PDIA3: variants seen among roughly 807,000 people sequenced by gnomAD.
PDIA3 encodes protein disulfide-isomerase A3.
In PDIA3, 16 loss-of-function variants were observed where a neutral mutation model predicts 56.9. The observed-to-expected ratio is 0.28, with a 90% CI of 0.19 to 0.43. The LOEUF (loss-of-function observed/expected upper bound fraction) is 0.43, where lower values mean the gene tolerates loss of function less well. Ranked by LOEUF, PDIA3 falls within the 20% of genes least tolerant of loss-of-function variation. PDIA3 has a pLI of 1.00. For missense variants in PDIA3, 485 were observed against 621.3 expected, an observed-to-expected ratio of 0.78 and a Z score of 2.33; for synonymous variants, 192 against 216.5, an observed-to-expected ratio of 0.89 and a Z score of 0.99.
intron 5 of PDIA3, among the ~76,000 whole-genome samples, chr15:43,763,734 A>C (rs941744745): frequency 6.6e-6 from 1 of 151,766 alleles, no homozygotes; most frequent in Non-Finnish European, 1.5e-5. Flanking sequence ...CTATATATGG[A>C]GTGGTTGGAA....
intron 8 of PDIA3, among the ~76,000 whole-genome samples, chr15:43,767,364 TAAATA>T (rs2086854199): frequency 6.6e-6 from 1 of 151,462 alleles, no homozygotes; most frequent in African/African-American, 2.4e-5. Context: ...AAAAAAGAAA[TAAATA>T]AAGAAAAATA....
intron 1 of PDIA3, chr15:43,752,694 A>G (rs531907925): frequency 2.7e-5 from 12 of 452,058 alleles, no homozygotes; most frequent in South Asian, 7.9e-5. Flanking sequence ...TAGGTGTACA[A>G]TATTTCCAAG....
At chr15:43,763,237 G>C in intron 5 of PDIA3, 31 bp downstream of exon 5, 1 of 1,607,276 alleles carries the variant, frequency 6.2e-7, no homozygotes. Context: ...TCCTGACCAA[G>C]TATTATTGTG....
chr15:43,750,244 G>C (rs1310264532), intron 1 of PDIA3, among the ~76,000 whole-genome samples: 1 of 143,168 alleles, frequency 7.0e-6, no homozygotes, highest in Non-Finnish European at 1.5e-5. Context: ...TTGAACTCCT[G>C]ACTTCACCTG....
chr15:43,768,157 CAA>C (rs1342619117), intron 8 of PDIA3, among the ~76,000 whole-genome samples: 3 of 152,142 alleles, frequency 2.0e-5, no homozygotes, highest in Admixed American at 1.3e-4. Context: ...GAGATTGAGA[CAA>C]GAGAAAATCT....
At chr15:43,766,326 G>C (rs1007611278) in intron 7 of PDIA3, among the ~76,000 whole-genome samples, 5 of 152,062 alleles carry the variant, frequency 3.3e-5, no homozygotes, top group Admixed American at 6.6e-5. Context: ...TCTTTGCTTT[G>C]TGACACAGTG....
intron 4 of PDIA3, among the ~76,000 whole-genome samples, chr15:43,762,213 G>C (rs542908586): frequency 3.3e-5 from 5 of 151,924 alleles, no homozygotes; most frequent in African/African-American, 1.2e-4. Flanking sequence ...CCTAATTACT[G>C]TAATAAAACT....
intron 1 of PDIA3, among the ~76,000 whole-genome samples, chr15:43,748,902 G>A (rs2086725394): frequency 6.6e-6 from 1 of 151,624 alleles, no homozygotes. Flanking sequence ...CCGAGTAGCT[G>A]GGATTACAGG....
Position 43,773,125 on chromosome 15 carries a change from C to T in PDIA3, c.*1907C>T, listed in dbSNP as rs1329078002. 1 of 1,607,414 alleles carries T rather than the reference C, an allele frequency of 6.2e-7. No homozygotes were observed. Among genetic ancestry groups the T allele is most frequent in the Admixed American group, 1.7e-5 (1 of 57,910 alleles). The stretch of plus-strand genomic sequence containing the variant: ...AATTCCCTTGATAACTTCAGCTGCC[C>T]CTGTTCTTTTCCTCAAACTCCAGGA... On this transcript the variant is annotated 3_prime_UTR_variant, in exon 13 of 13. Transcript: ENST00000300289.
Position 43,751,729 on chromosome 15 carries a change from G to T in PDIA3, c.168-2095G>T, listed in dbSNP as rs921975833. On this transcript the variant is annotated intron_variant, in intron 1 of 12. Transcript: ENST00000300289. Reference sequence around the variant, plus strand: ...TTGCAGCTTACACACACACCTGGTTGCTCCCCAGATTTCTGGAGATTCTCA... The same window carrying T: ...TTGCAGCTTACACACACACCTGGTTTCTCCCCAGATTTCTGGAGATTCTCA... The T allele has an allele frequency of 6.3e-5, 82 of 1,300,008 alleles. No homozygotes were observed. The Middle Eastern group carries it at 8.5e-4, about 13-fold the overall frequency. The allele number at this position is 1,300,008 out of a possible 1,614,324, so 80.5% of individuals were successfully genotyped here.
At chr15:43,754,050 G>C in intron 2 of PDIA3, 148 bp downstream of exon 2, 1 of 631,562 alleles carries the variant, frequency 1.6e-6, no homozygotes, top group Non-Finnish European at 2.8e-6. Context: ...CTGCTAAGAA[G>C]AGCGAATACT....
Position 43,771,576 on chromosome 15 carries a change from T to C in PDIA3, c.*358T>C. On this transcript the variant is annotated 3_prime_UTR_variant, in exon 13 of 13. Transcript: ENST00000300289. ...TTCCACCAGATTGAGAACCAGATGT[T>C]CTCTACACACTATCACTGTTCAATA... The C allele has an allele frequency of 2.2e-6, 1 of 451,880 alleles. No homozygotes were observed. The highest frequency in any genetic ancestry group is 3.3e-5 in the East Asian group (1 of 30,552). The allele number at this position is 451,880 out of a possible 1,614,324, so 28.0% of individuals were successfully genotyped here. A position where few individuals can be genotyped will look rare whatever the true frequency, so the allele number is the denominator to read the frequency against.
intron 1 of PDIA3, chr15:43,752,710 C>A: frequency 2.2e-6 from 1 of 457,344 alleles, no homozygotes; most frequent in Non-Finnish European, 4.5e-6. Flanking sequence ...CCAAGTTATC[C>A]ATCACTTGAT....
chr15:43,765,816 T>C, intron 6 of PDIA3, 71 bp from the exon 7 acceptor site: 2 of 1,492,044 alleles, frequency 1.3e-6, no homozygotes, highest in Non-Finnish European at 1.8e-6. Flanking sequence ...TGCTATCAAT[T>C]ATTTTGTGGC....
chr15:43,768,707 T>A, intron 9 of PDIA3, 110 bp downstream of exon 9: 3 of 717,100 alleles, frequency 4.2e-6, no homozygotes, highest in South Asian at 1.7e-5. Flanking sequence ...CTTTTTTTTT[T>A]TGTCCTTACT....
rs1257666207 is a variant in PDIA3 at position 43,772,719 on chromosome 15, ACT to A, written c.*1504_*1505del. 1 of 157,760 alleles carries A rather than the reference ACT, an allele frequency of 6.3e-6. No homozygotes were observed. The highest frequency in any genetic ancestry group is 2.4e-5 in the African/African-American group (1 of 41,660). 9.8% of individuals were successfully genotyped at this position (157,760 alleles called of 1,614,324 possible). On this transcript the variant is annotated 3_prime_UTR_variant, in exon 13 of 13. Transcript: ENST00000300289. ...TCCAGGTATGCTACAAGTTCTTTTA[ACT>A]CTTATCAGAAGTTATTATTACTGTT...
chr15:43,762,558 A>G (rs1372088043), intron 4 of PDIA3, among the ~76,000 whole-genome samples: 2 of 151,308 alleles, frequency 1.3e-5, no homozygotes, highest in Non-Finnish European at 2.9e-5. Context: ...AATATGGTTT[A>G]CTGTTTAAAT....
At chr15:43,747,940 C>G (rs535621105) in intron 1 of PDIA3, among the ~76,000 whole-genome samples, 7 of 152,142 alleles carry the variant, frequency 4.6e-5, no homozygotes, top group African/African-American at 1.7e-4. Flanking sequence ...GGCTAACTGG[C>G]AGTACAGATT....
chr15:43,755,108 C>CTGAG (rs1329897617), intron 2 of PDIA3, among the ~76,000 whole-genome samples: 1 of 152,032 alleles, frequency 6.6e-6, no homozygotes, highest in East Asian at 1.9e-4. Context: ...GGCGGATCAC[C>CTGAG]TGAGGTCAAG....
Sources: allele counts gnomAD v4.1 joint callset (sites outside exome capture counted in the v4.1 genomes callset), GRCh38; gene constraint gnomAD v4.1.1; transcripts MANE v1.5; gene names NCBI Gene and HGNC (gene_info 2026-07-23, HGNC 2026-07-21).